GPR158: variants seen among roughly 807,000 people sequenced by gnomAD.
The protein encoded by GPR158 is metabotropic glycine receptor.
GPR158 carries 30 observed loss-of-function variants against 78.2 expected under a neutral mutation model. That is an observed-to-expected ratio of 0.38 (90% CI 0.29 to 0.52). The LOEUF (loss-of-function observed/expected upper bound fraction) is 0.52. Among genes scored for constraint, GPR158 ranks in the 20% least tolerant of loss-of-function variants. The probability of loss-of-function intolerance (pLI) is 0.83; values close to 1 mark genes in which losing one functional copy is unlikely to be tolerated. For synonymous variants in GPR158, 581 were observed against 591.1 expected, an observed-to-expected ratio of 0.98 and a Z score of 0.25; for missense variants, 1,463 against 1,523.5, an observed-to-expected ratio of 0.96 and a Z score of 0.66.
chr10:25,345,849 C>T (rs766066169), intron 2 of GPR158, among the ~76,000 whole-genome samples: 28 of 151,854 alleles, frequency 1.8e-4, no homozygotes, highest in Non-Finnish European at 3.4e-4. Context: ...GGTCTAGGAT[C>T]ATAATCCATT....
At chr10:25,510,004 G>A (rs1270228159) in intron 5 of GPR158, among the ~76,000 whole-genome samples, 3 of 152,132 alleles carry the variant, frequency 2.0e-5, no homozygotes, top group African/African-American at 4.8e-5. Flanking sequence ...ATGAGCCACC[G>A]TGCCCAGCCT....
chr10:25,460,429 A>G (rs1025321496), intron 4 of GPR158, among the ~76,000 whole-genome samples: 2 of 152,118 alleles, frequency 1.3e-5, no homozygotes, highest in Non-Finnish European at 2.9e-5. Flanking sequence ...TCCTGACCTC[A>G]ATTGATCCGC....
At chr10:25,320,703 A>G (rs755060320) in intron 2 of GPR158, among the ~76,000 whole-genome samples, 22 of 152,090 alleles carry the variant, frequency 1.4e-4, no homozygotes, top group Non-Finnish European at 2.8e-4. Flanking sequence ...GCTGATTTCT[A>G]TTATTGAACT....
At chr10:25,193,891 A>G (rs1435816681) in intron 1 of GPR158, among the ~76,000 whole-genome samples, 3 of 150,276 alleles carry the variant, frequency 2.0e-5, no homozygotes, top group South Asian at 2.1e-4. Flanking sequence ...GGGGTAAAAA[A>G]AAAAAAAAAA....
chr10:25,576,007 T>C (rs1356127110), intron 7 of GPR158, among the ~76,000 whole-genome samples: 1 of 152,084 alleles, frequency 6.6e-6, no homozygotes, highest in Non-Finnish European at 1.5e-5. Context: ...TATCTAAAAC[T>C]CCCCTACCTC....
chr10:25,508,016 A>G lies in GPR158; in HGVS notation c.1404+41297A>G, dbSNP rs116491204. On this transcript the variant is annotated intron_variant, in intron 5 of 10. Transcript: ENST00000376351. ...TTTTTAAGGTAACAAAAAAGGCGGG[A>G]TGATTACGAATGGAAATTTCCACCT... is the stretch of plus-strand genomic sequence containing the variant. Among the ~76,000 whole-genome samples the G allele has an allele frequency of 2.9e-3, 439 of 152,378 alleles. 2 individuals carry two copies. The highest frequency in any genetic ancestry group is 0.01 in the African/African-American group (424 of 41,592).
At chr10:25,403,289 T>G (rs1272827780) in intron 3 of GPR158, among the ~76,000 whole-genome samples, 1 of 152,026 alleles carries the variant, frequency 6.6e-6, no homozygotes, top group Admixed American at 6.6e-5. Flanking sequence ...GCAAATAAGT[T>G]AACATACTGT....
chr10:25,493,834 T>C (rs182944875), intron 5 of GPR158, among the ~76,000 whole-genome samples: 1 of 152,354 alleles, frequency 6.6e-6, no homozygotes, highest in East Asian at 1.9e-4. Context: ...TTAATTAGAC[T>C]TAACAAAACA....
At chr10:25,207,291 C>T (rs916202655) in intron 1 of GPR158, among the ~76,000 whole-genome samples, 1 of 152,160 alleles carries the variant, frequency 6.6e-6, no homozygotes, top group Non-Finnish European at 1.5e-5. Flanking sequence ...TTTGCTATGA[C>T]TCATTCATTG....
At chr10:25,370,493 A>C (rs1833971723) in intron 2 of GPR158, among the ~76,000 whole-genome samples, 1 of 120,198 alleles carries the variant, frequency 8.3e-6, no homozygotes, top group Admixed American at 8.0e-5. Flanking sequence ...TGAGTTTCTT[A>C]ATCTTGAGTT....
chr10:25,430,753 C>T (rs1430292731), intron 4 of GPR158, among the ~76,000 whole-genome samples: 1 of 140,570 alleles, frequency 7.1e-6, no homozygotes, highest in Non-Finnish European at 1.6e-5. Context: ...GAAAAACAAG[C>T]AATGGGGAAA....
At chr10:25,331,540 GA>G (rs1855122371) in intron 2 of GPR158, among the ~76,000 whole-genome samples, 1 of 152,306 alleles carries the variant, frequency 6.6e-6, no homozygotes, top group South Asian at 2.1e-4. Flanking sequence ...ACCCGTAGCA[GA>G]AAAAGAGACT....
intron 2 of GPR158, among the ~76,000 whole-genome samples, chr10:25,263,358 A>C (rs146879265): frequency 6.6e-6 from 1 of 152,138 alleles, no homozygotes; most frequent in Non-Finnish European, 1.5e-5. Context: ...TGGGCTGTCT[A>C]TTCCATGACA....
intron 5 of GPR158, among the ~76,000 whole-genome samples, chr10:25,498,963 G>T (rs4747523): frequency 1.3e-5 from 2 of 151,986 alleles, no homozygotes; most frequent in Non-Finnish European, 2.9e-5. Context: ...GCCTCTTCTC[G>T]TGGCCTAAGG....
At chr10:25,345,527 A>G (rs981593072) in intron 2 of GPR158, among the ~76,000 whole-genome samples, 2 of 152,016 alleles carry the variant, frequency 1.3e-5, no homozygotes, top group African/African-American at 4.8e-5. Context: ...CAAGGAAAGA[A>G]GTAAAGGATT....
intron 6 of GPR158, among the ~76,000 whole-genome samples, chr10:25,568,889 A>T (rs1402285519): frequency 2.0e-4 from 30 of 152,202 alleles, no homozygotes; most frequent in Admixed American, 2.0e-3. Context: ...ATCTATGAAA[A>T]AATAGTGGAA....
At chr10:25,455,175 G>A (rs114404090) in intron 4 of GPR158, among the ~76,000 whole-genome samples, 2,643 of 152,228 alleles carry the variant, frequency 0.017, 86 homozygotes, top group African/African-American at 0.061. Context: ...TGAGTTTGAG[G>A]TGCCTCTGTA....
intron 2 of GPR158, among the ~76,000 whole-genome samples, chr10:25,385,210 A>T (rs1019287636): frequency 3.3e-5 from 5 of 152,162 alleles, no homozygotes; most frequent in Admixed American, 3.3e-4. Flanking sequence ...AGGTGGTATC[A>T]TAGAGTATTT....
chr10:25,218,510 C>A (rs1183333982), intron 1 of GPR158, among the ~76,000 whole-genome samples: 1 of 152,226 alleles, frequency 6.6e-6, no homozygotes, highest in Non-Finnish European at 1.5e-5. Context: ...TGTCTGGGAA[C>A]TGGACTGCTA....
Sources: allele counts gnomAD v4.1 joint callset (sites outside exome capture counted in the v4.1 genomes callset), GRCh38; gene constraint gnomAD v4.1.1; transcripts MANE v1.5; gene names NCBI Gene and HGNC (gene_info 2026-07-23, HGNC 2026-07-21).